Variants in PRKAG3 observed in about 807,000 individuals in gnomAD.
PRKAG3 encodes 5'-AMP-activated protein kinase subunit gamma-3.
In PRKAG3, 39 loss-of-function variants were observed where a neutral mutation model predicts 56.5. That is an observed-to-expected ratio of 0.69 (90% CI 0.53 to 0.90). The LOEUF (loss-of-function observed/expected upper bound fraction) is 0.90, where lower values mean the gene tolerates loss of function less well. Among genes scored for constraint, PRKAG3 ranks in the 40% least tolerant of loss-of-function variants. The pLI is 0.00. For synonymous variants in PRKAG3, 243 were observed against 250.1 expected, an observed-to-expected ratio of 0.97 and a Z score of 0.27; for missense variants, 628 against 627.5, an observed-to-expected ratio of 1.00 and a Z score of -0.01.
At chr2:218,828,161 G>A in intron 5 of PRKAG3, 99 bp from the exon 6 acceptor site, 1 of 1,158,100 alleles carries the variant, frequency 8.6e-7, no homozygotes, top group Non-Finnish European at 1.2e-6. Flanking sequence ...TCCTTGTGCT[G>A]AGACACAGTG....
chr2:218,827,778 TA>T lies in PRKAG3; in HGVS notation c.820+54del, dbSNP rs1478223834. 3 of 1,574,038 alleles carry T rather than the reference TA, an allele frequency of 1.9e-6. No homozygotes were observed. Among genetic ancestry groups the T allele is most frequent in the African/African-American group, 2.9e-5 (2 of 67,910 alleles). On this transcript the variant is annotated intron_variant, in intron 7 of 12. Transcript: ENST00000529249. The surrounding 1 kb of genome is among the most constrained non-coding windows in gnomAD (Gnocchi z 5.3). ...CATCCCCACTGCCCATCCTCCACCT[TA>T]AGCCCTGGCCCACCATCACCAACAG... is the stretch of plus-strand genomic sequence containing the variant.
chr2:218,826,806 C>T (rs1476539491), intron 10 of PRKAG3, 122 bp downstream of exon 10: 8 of 1,320,702 alleles, frequency 6.1e-6, no homozygotes, highest in Non-Finnish European at 8.6e-6. Flanking sequence ...GACTTCTAAT[C>T]CCCAGTCCAT....
chr2:218,828,093 C>A (rs762777602), intron 5 of PRKAG3, 31 bp from the exon 6 acceptor site: 8 of 1,546,458 alleles, frequency 5.2e-6, no homozygotes, highest in Non-Finnish European at 6.1e-6. Flanking sequence ...GAGGTCAGCC[C>A]GGGGCCTTTG....
intron 4 of PRKAG3, 64 bp from the exon 5 acceptor site, chr2:218,828,664 C>T: frequency 1.4e-6 from 2 of 1,411,122 alleles, no homozygotes; most frequent in South Asian, 2.5e-5. Flanking sequence ...CTCTCTGCCC[C>T]TCAGTGCGCA....
At position 218,831,245 on chromosome 2, in the gene PRKAG3, C is replaced by G. The variant is rs557352640; in HGVS notation, c.73+91G>C. The G allele has an allele frequency of 6.2e-4, 637 of 1,029,184 alleles. 1 individual carries two copies. The highest frequency in any genetic ancestry group is 2.8e-3 in the Middle Eastern group (13 of 4,634). The allele number at this position is 1,029,184 out of a possible 1,614,324, so 63.8% of individuals were successfully genotyped here. On this transcript the variant is annotated intron_variant, in intron 2 of 12. Coordinates refer to ENST00000529249, the Ensembl canonical transcript of PRKAG3. ...AAGACCAAAAGGAGGAAGATAAAAGCCAGGCTGGGAGGGAATTGGGGTCCC... is the reference window on the plus strand; with the variant it reads ...AAGACCAAAAGGAGGAAGATAAAAGGCAGGCTGGGAGGGAATTGGGGTCCC...
At chr2:218,831,802 G>A in exon 1 of PRKAG3, 3 of 1,599,536 alleles carry the variant, frequency 1.9e-6, no homozygotes, top group East Asian at 4.5e-5. Context: ...GAGAGCAAGT[G>A]TGCGACACTG....
At position 218,827,417 on chromosome 2, in the gene PRKAG3, G is replaced by C; in HGVS notation, c.876-44C>G. ...TGAGCCTCGGGGCAGCCTAGGGAGA[G>C]ACAACCTCCATCCCAGGCCCCTAAA... On this transcript the variant is annotated intron_variant, in intron 8 of 12. Transcript: ENST00000529249. The surrounding 1 kb of genome is among the most constrained non-coding windows in gnomAD (Gnocchi z 5.3). The C allele has an allele frequency of 3.1e-6, 5 of 1,613,450 alleles. No individual in the cohort carries two copies. The highest frequency in any genetic ancestry group is 4.2e-6 in the Non-Finnish European group (5 of 1,179,576).
intron 4 of PRKAG3, among the ~76,000 whole-genome samples, chr2:218,829,171 G>A (rs535739413): frequency 2.6e-5 from 4 of 152,096 alleles, no homozygotes; most frequent in South Asian, 2.1e-4. Flanking sequence ...TACATACACC[G>A]TGTTTTGGGA....
intron 10 of PRKAG3, among the ~76,000 whole-genome samples, chr2:218,825,114 ATCACAAGG>A (rs1351217004): frequency 6.6e-6 from 1 of 152,176 alleles, no homozygotes; most frequent in African/African-American, 2.4e-5. Flanking sequence ...AGGTGGGTGG[ATCACAAGG>A]TCAGGAGTTC....
intron 4 of PRKAG3, among the ~76,000 whole-genome samples, chr2:218,829,219 T>C (rs549919577): frequency 6.6e-6 from 1 of 152,296 alleles, no homozygotes; most frequent in East Asian, 1.9e-4. Flanking sequence ...AATAAGATTA[T>C]AGACATTTAT....
In PRKAG3 at chr2:218,827,631, T is replaced by C. The variant is rs201790374; in HGVS notation, c.821-2A>G. 3.2e-5 allele frequency: 51 copies of C among 1,613,712 alleles called. No homozygotes were observed. Among genetic ancestry groups the C allele is most frequent in the Non-Finnish European group, 3.1e-5 (36 of 1,179,888 alleles). On this transcript the variant is annotated splice_acceptor_variant, in intron 7 of 12. Coordinates refer to ENST00000529249, the Ensembl canonical transcript of PRKAG3. LOFTEE classifies it high-confidence loss of function. The surrounding 1 kb of genome is among the most constrained non-coding windows in gnomAD (Gnocchi z 5.3). ...TGAAGCAGCCTTGCAGGTAGATCTC[T>C]GCAGAAAGAGCCAGAGTCAGGCCAG...
At chr2:218,823,595 G>A (rs549980956) in exon 13 of PRKAG3, 1 of 1,452,928 alleles carries the variant, frequency 6.9e-7, no homozygotes, top group African/African-American at 1.4e-5. Context: ...CTGAGATCCA[G>A]GAAATCAGGA....
Position 218,827,422 on chromosome 2 carries a change from C to A in PRKAG3, c.876-49G>T. ...CTCGGGGCAGCCTAGGGAGAGACAACCTCCATCCCAGGCCCCTAAAAAGGA... is the reference window on the plus strand; with the variant it reads ...CTCGGGGCAGCCTAGGGAGAGACAAACTCCATCCCAGGCCCCTAAAAAGGA... On this transcript the variant is annotated intron_variant, in intron 8 of 12. Transcript: ENST00000529249. The surrounding 1 kb of genome is among the most constrained non-coding windows in gnomAD (Gnocchi z 5.3). 4.3e-6 allele frequency: 7 copies of A among 1,613,136 alleles called. No homozygotes were observed. Among genetic ancestry groups the A allele is most frequent in the Non-Finnish European group, 5.9e-6 (7 of 1,179,300 alleles).
chr2:218,827,040 GC>G lies in PRKAG3; in HGVS notation c.1055del (p.Gly352AlafsTer18). ...CAGCCAAGTCTCGGAATGTGCCGAT[GC>G]CCAAATCTTGGATAGTGCGGTAGAG... On this transcript the variant is annotated frameshift_variant, in exon 10 of 13. Coordinates refer to ENST00000529249, the Ensembl canonical transcript of PRKAG3. LOFTEE classifies it high-confidence loss of function. The surrounding 1 kb of genome is among the most constrained non-coding windows in gnomAD (Gnocchi z 5.3). 6.2e-7 allele frequency: 1 copy of G among 1,614,048 alleles called. No individual in the cohort carries two copies. The highest frequency in any genetic ancestry group is 8.5e-7 in the Non-Finnish European group (1 of 1,180,040).
chr2:218,829,754 G>A (rs1056943483), intron 4 of PRKAG3, among the ~76,000 whole-genome samples: 4 of 152,178 alleles, frequency 2.6e-5, no homozygotes, highest in Non-Finnish European at 4.4e-5. Context: ...GTAACTCAAG[G>A]TCCTACAGCT....
chr2:218,826,210 G>A (rs1458997652), intron 10 of PRKAG3, among the ~76,000 whole-genome samples: 1 of 152,076 alleles, frequency 6.6e-6, no homozygotes, highest in African/African-American at 2.4e-5. Context: ...GGATATAGGT[G>A]GTTCATTATG....
At chr2:218,829,337 T>A (rs867728540) in intron 4 of PRKAG3, among the ~76,000 whole-genome samples, 1 of 152,112 alleles carries the variant, frequency 6.6e-6, no homozygotes, top group African/African-American at 2.4e-5. Flanking sequence ...TTTTTTTTTT[T>A]TGACATGGAA....
downstream of PRKAG3, chr2:218,822,912 G>A: frequency 1.0e-6 from 1 of 985,566 alleles, no homozygotes; most frequent in Non-Finnish European, 1.2e-6. Context: ...GGGCGGGCAT[G>A]GAGCACAGAT....
In PRKAG3 at chr2:218,827,329, C is replaced by T. The variant is rs1343302537; in HGVS notation, c.920G>A (p.Arg307His). ...TGACACCGGGTCAAGAACAGGCAGG[C>T]GATGGATCCGGTTCTTGATGAGGGT... Residue 307 changes from arginine (R) to histidine (H), a missense_variant, in exon 9 of 13, where the codon CGC becomes CAC. Transcript: ENST00000529249. The surrounding 1 kb of genome is among the most constrained non-coding windows in gnomAD (Gnocchi z 5.3). 2 of 1,614,068 alleles carry T rather than the reference C, an allele frequency of 1.2e-6. No individual in the cohort carries two copies. The highest frequency in any genetic ancestry group is 1.7e-6 in the Non-Finnish European group (2 of 1,180,018).
Sources: allele counts gnomAD v4.1 joint callset (sites outside exome capture counted in the v4.1 genomes callset), GRCh38; gene constraint gnomAD v4.1.1; non-coding constraint Gnocchi (gnomAD v3.1); transcripts MANE v1.5; gene names NCBI Gene and HGNC (gene_info 2026-07-23, HGNC 2026-07-21).